The following METTL14 variants were observed in gnomAD, a reference collection of about 807,000 sequenced individuals.
METTL14 encodes the protein N(6)-adenosine-methyltransferase non-catalytic subunit METTL14.
Under a neutral mutation model 62.4 loss-of-function variants are expected in METTL14, and 32 were observed. The ratio of observed to expected loss-of-function variants is 0.51; its 90% CI spans 0.39 to 0.69. The LOEUF (loss-of-function observed/expected upper bound fraction) is 0.69. Ranked by LOEUF, METTL14 falls within the 30% of genes least tolerant of loss-of-function variation. The pLI is 0.00. For synonymous variants in METTL14, 150 were observed against 180.0 expected, an observed-to-expected ratio of 0.83 and a Z score of 1.34; for missense variants, 340 against 551.9, an observed-to-expected ratio of 0.62 and a Z score of 3.85.
chr4:118,692,194 G>T, intron 5 of METTL14, 126 bp downstream of exon 5: 3 of 602,712 alleles, frequency 5.0e-6, no homozygotes, highest in Non-Finnish European at 5.8e-6. Context: ...CGTTCTCAGT[G>T]CTTCTGGTAT....
In METTL14 at chr4:118,710,348, T is replaced by C. The variant is rs767334348; in HGVS notation, c.*46T>C. The C allele has an allele frequency of 2.2e-5, 34 of 1,515,982 alleles. No homozygotes were observed. The highest frequency in any genetic ancestry group is 2.8e-5 in the Non-Finnish European group (32 of 1,131,286). The allele number at this position is 1,515,982 out of a possible 1,614,324, so 93.9% of individuals were successfully genotyped here. A position where few individuals can be genotyped will look rare whatever the true frequency, so the allele number is the denominator to read the frequency against. On this transcript the variant is annotated 3_prime_UTR_variant, in exon 11 of 11. Transcript: ENST00000388822. The stretch of plus-strand genomic sequence containing the variant: ...ATTCATCCTCCTCTAACCTTCTTTA[T>C]TGTAATTAAATTTCAAGTGGGAGAC...
At chr4:118,697,498 CTTTAA>C (rs1447224808) in intron 7 of METTL14, 175 bp downstream of exon 7, 6 of 547,076 alleles carry the variant, frequency 1.1e-5, no homozygotes, top group Non-Finnish European at 2.9e-6. Flanking sequence ...ATTACATTAT[CTTTAA>C]TTTGAGCCTT....
At position 118,693,380 on chromosome 4, in the gene METTL14, T is replaced by C. The variant is rs79575215; in HGVS notation, c.413-1056T>C. Among the ~76,000 whole-genome samples the C allele has an allele frequency of 3.6e-3, 548 of 152,280 alleles. 14 individuals carry two copies. In the East Asian group the frequency reaches 0.061, roughly 17 times the overall value. On this transcript the variant is annotated intron_variant, in intron 5 of 10. Transcript: ENST00000388822. ...AAGAGTCTTTTATATATTCTCTTTG[T>C]GTGTGGGTGTGGGTGTGTATTTTTT...
intron 3 of METTL14, 160 bp downstream of exon 3, chr4:118,689,617 A>T: frequency 4.6e-6 from 2 of 433,380 alleles, no homozygotes; most frequent in Non-Finnish European, 8.4e-6. Context: ...AGACCATTAT[A>T]TCAGTTTTCT....
chr4:118,708,073 C>T (rs1724812157), intron 10 of METTL14, among the ~76,000 whole-genome samples: 1 of 152,178 alleles, frequency 6.6e-6, no homozygotes, highest in Non-Finnish European at 1.5e-5. Flanking sequence ...TGATCGCCCG[C>T]CTTGGCCTCC....
At chr4:118,699,454 G>T (rs1238837381) in intron 7 of METTL14, among the ~76,000 whole-genome samples, 1 of 151,970 alleles carries the variant, frequency 6.6e-6, no homozygotes, top group Non-Finnish European at 1.5e-5. Context: ...TTCTTGCAGA[G>T]AAGTTTTCCA....
At chr4:118,705,528 A>C in intron 9 of METTL14, 83 bp from the exon 10 acceptor site, 1 of 1,057,994 alleles carries the variant, frequency 9.5e-7, no homozygotes, top group Non-Finnish European at 1.4e-6. Context: ...GGATTGTTTT[A>C]GAATTGAGGA....
intron 2 of METTL14, among the ~76,000 whole-genome samples, chr4:118,688,546 G>A (rs1724147906): frequency 6.6e-6 from 1 of 151,840 alleles, no homozygotes; most frequent in Non-Finnish European, 1.5e-5. Flanking sequence ...TAGACACAAT[G>A]GTTTTTATTG....
At chr4:118,692,854 G>C (rs2110466579) in intron 5 of METTL14, among the ~76,000 whole-genome samples, 1 of 152,098 alleles carries the variant, frequency 6.6e-6, no homozygotes, top group African/African-American at 2.4e-5. Flanking sequence ...TCAGCCTTAA[G>C]TATCTGCTGA....
intron 9 of METTL14, among the ~76,000 whole-genome samples, chr4:118,704,347 C>A (rs1490812990): frequency 6.6e-6 from 1 of 152,136 alleles, no homozygotes; most frequent in Non-Finnish European, 1.5e-5. Context: ...TTTTTCTAGG[C>A]TCAGAAAGAA....
intron 8 of METTL14, among the ~76,000 whole-genome samples, chr4:118,701,183 G>GGT (rs1724577735): frequency 1.5e-5 from 2 of 132,250 alleles, no homozygotes; most frequent in Non-Finnish European, 3.3e-5. Context: ...GTTTTTTTTT[G>GGT]TTTTTTTTTG....
At chr4:118,704,124 T>A in intron 9 of METTL14, 73 bp downstream of exon 9, 1 of 818,880 alleles carries the variant, frequency 1.2e-6, no homozygotes, top group South Asian at 1.7e-5. Context: ...AACTGTATAC[T>A]GTTTAATTAA....
chr4:118,690,420 T>C (rs1226480187), intron 3 of METTL14, among the ~76,000 whole-genome samples: 4 of 152,050 alleles, frequency 2.6e-5, no homozygotes, highest in African/African-American at 7.2e-5. Context: ...GCCTCACGCT[T>C]GTAATCCCAG....
In METTL14 at chr4:118,691,648, A is replaced by G. The variant is rs1193884050; in HGVS notation, c.324+36A>G. The stretch of plus-strand genomic sequence containing the variant: ...TAATTTTCAAATTTTGTAACTCTTC[A>G]TATTTAAGTTCTATACCTGAAAAGA... On this transcript the variant is annotated intron_variant, in intron 4 of 10. Transcript: ENST00000388822. 4 of 1,078,260 alleles carry G rather than the reference A, an allele frequency of 3.7e-6. No homozygotes were observed. In the Admixed American group the frequency reaches 1.1e-4, roughly 30 times the overall value. 66.8% of individuals were successfully genotyped at this position (1,078,260 alleles called of 1,614,324 possible).
chr4:118,706,826 A>G (rs1488326483), intron 10 of METTL14, among the ~76,000 whole-genome samples: 1 of 152,104 alleles, frequency 6.6e-6, no homozygotes, highest in Non-Finnish European at 1.5e-5. Context: ...TTTTCTGATG[A>G]CATATGATGT....
At position 118,710,174 on chromosome 4, in the gene METTL14, G is replaced by C. The variant is rs1724876160; in HGVS notation, c.1243G>C (p.Gly415Arg). The C allele has an allele frequency of 6.2e-7, 1 of 1,614,206 alleles. No individual in the cohort carries two copies. Among genetic ancestry groups the C allele is most frequent in the Non-Finnish European group, 8.5e-7 (1 of 1,180,042 alleles). The change falls in exon 11 of 11, where the codon GGT becomes CGT. Residue 415 changes from glycine (G) to arginine (R), a missense_variant. Gly to Arg is a moderately radical substitution (Grantham distance 125, BLOSUM62 -2). Transcript: ENST00000388822. ...KSDRGGGAPR[G>R]GGRGGTSAGR... ...TGACCGAGGAGGTGGAGCTCCCAGAGGTGGAGGAAGAGGTGGAACTTCTGC... is the reference window on the plus strand; with the variant it reads ...TGACCGAGGAGGTGGAGCTCCCAGACGTGGAGGAAGAGGTGGAACTTCTGC...
chr4:118,706,097 C>T (rs1458959897), intron 10 of METTL14, among the ~76,000 whole-genome samples: 2 of 152,130 alleles, frequency 1.3e-5, no homozygotes, highest in Admixed American at 6.6e-5. Flanking sequence ...TACATTGACA[C>T]ATCATAATCA....
intron 1 of METTL14, among the ~76,000 whole-genome samples, chr4:118,686,890 C>A (rs571304494): frequency 3.2e-4 from 49 of 152,236 alleles, no homozygotes; most frequent in African/African-American, 1.2e-3. Flanking sequence ...AGCCTTATAA[C>A]CATTATTTGT....
At chr4:118,691,701 GT>G in intron 4 of METTL14, 89 bp downstream of exon 4, 1 of 655,326 alleles carries the variant, frequency 1.5e-6, no homozygotes, top group Non-Finnish European at 2.5e-6. Context: ...TCTTCAAGAT[GT>G]TTTTTAATTA....
Sources: allele counts gnomAD v4.1 joint callset (sites outside exome capture counted in the v4.1 genomes callset), GRCh38; gene constraint gnomAD v4.1.1; transcripts MANE v1.5; gene names NCBI Gene and HGNC (gene_info 2026-07-23, HGNC 2026-07-21).